NKAIN3: variants seen among roughly 807,000 people sequenced by gnomAD.
NKAIN3 encodes the protein sodium/potassium transporting ATPase interacting 3.
NKAIN3 carries 25 observed loss-of-function variants against 30.2 expected under a neutral mutation model. The ratio of observed to expected loss-of-function variants is 0.83; its 90% CI spans 0.60 to 1.16. The LOEUF (loss-of-function observed/expected upper bound fraction) is 1.16, where lower values mean the gene tolerates loss of function less well. Ranked by LOEUF, NKAIN3 falls within the 50% of genes most tolerant of loss-of-function variation. The pLI is 0.00. For synonymous variants in NKAIN3, 91 were observed against 89.6 expected (o/e 1.02, Z -0.09); for missense variants, 225 against 254.1 (o/e 0.89, Z 0.78).
intron 3 of NKAIN3, among the ~76,000 whole-genome samples, chr8:62,695,245 T>C (rs1814114599): frequency 6.6e-6 from 1 of 152,202 alleles, no homozygotes; most frequent in Non-Finnish European, 1.5e-5. Context: ...AAGGGCCAAG[T>C]CTTATTTACT....
chr8:62,815,152 C>A (rs1234660215), intron 4 of NKAIN3, among the ~76,000 whole-genome samples: 2 of 152,040 alleles, frequency 1.3e-5, no homozygotes, highest in African/African-American at 4.8e-5. Context: ...CACATACACC[C>A]TCCCAAGACT....
intron 1 of NKAIN3, among the ~76,000 whole-genome samples, chr8:62,354,966 A>G (rs1293908242): frequency 2.0e-5 from 3 of 152,086 alleles, no homozygotes; most frequent in Admixed American, 6.6e-5. Flanking sequence ...TCTTTATTAC[A>G]CTAGAGAGTA....
intron 5 of NKAIN3, among the ~76,000 whole-genome samples, chr8:62,949,796 G>A (rs1157148401): frequency 6.6e-6 from 1 of 151,636 alleles, no homozygotes; most frequent in Non-Finnish European, 1.5e-5. Context: ...CAATTTCACT[G>A]TACTGCAGGC....
At chr8:62,787,704 G>A (rs1039848646) in intron 4 of NKAIN3, among the ~76,000 whole-genome samples, 4 of 151,736 alleles carry the variant, frequency 2.6e-5, no homozygotes, top group South Asian at 2.1e-4. Context: ...AACAGTCCCC[G>A]GTGTGTGATG....
At chr8:62,366,069 A>G (rs1816727434) in intron 1 of NKAIN3, among the ~76,000 whole-genome samples, 1 of 151,922 alleles carries the variant, frequency 6.6e-6, no homozygotes, top group East Asian at 1.9e-4. Flanking sequence ...TACTTATTCA[A>G]TCTCCTTACT....
At chr8:62,555,063 GC>G (rs1182069285) in intron 1 of NKAIN3, among the ~76,000 whole-genome samples, 1 of 135,886 alleles carries the variant, frequency 7.4e-6, no homozygotes, top group African/African-American at 2.8e-5. Flanking sequence ...CACATGCCTA[GC>G]TATGTGAGAA....
chr8:62,930,798 G>T (rs1822595061), intron 5 of NKAIN3, among the ~76,000 whole-genome samples: 1 of 151,628 alleles, frequency 6.6e-6, no homozygotes, highest in Non-Finnish European at 1.5e-5. Flanking sequence ...CTGCCTCCCG[G>T]GTTCATGCCA....
chr8:62,713,089 G>T (rs567706170), intron 3 of NKAIN3, among the ~76,000 whole-genome samples: 1 of 152,266 alleles, frequency 6.6e-6, no homozygotes, highest in Admixed American at 6.5e-5. Flanking sequence ...TGTCTCCTGG[G>T]TCATGCAGGA....
rs554116949 is a variant in NKAIN3 at position 62,284,290 on chromosome 8, GTCT to G, written c.54+35169_54+35171del. Among the ~76,000 whole-genome samples the G allele has an allele frequency of 1.9e-3, 296 of 152,180 alleles. 2 individuals are homozygous for G. The highest frequency in any genetic ancestry group is 8.5e-3 in the Admixed American group (130 of 15,252). On this transcript the variant is annotated intron_variant, in intron 1 of 6. Coordinates refer to ENST00000623646, the MANE Select transcript of NKAIN3 (RefSeq NM_001304533.3). ...TACGGGGAGACAGTGGTGGCTTTCT[GTCT>G]TCTTCCACTTTTTTTGGTGCTGTCC...
At chr8:62,684,954 G>A (rs1813751526) in intron 3 of NKAIN3, among the ~76,000 whole-genome samples, 1 of 152,156 alleles carries the variant, frequency 6.6e-6, no homozygotes, top group Non-Finnish European at 1.5e-5. Flanking sequence ...GAGAAGATAA[G>A]TTTCTGTTGT....
chr8:62,844,881 C>A (rs1369032849), intron 4 of NKAIN3, among the ~76,000 whole-genome samples: 1 of 152,022 alleles, frequency 6.6e-6, no homozygotes, highest in South Asian at 2.1e-4. Context: ...ACCACAGCAT[C>A]ACCAACACGA....
At chr8:62,380,335 T>C (rs1445519781) in intron 1 of NKAIN3, among the ~76,000 whole-genome samples, 3 of 152,202 alleles carry the variant, frequency 2.0e-5, no homozygotes, top group Non-Finnish European at 4.4e-5. Flanking sequence ...TTGCTATAAG[T>C]CTAGTTGTCT....
intron 3 of NKAIN3, among the ~76,000 whole-genome samples, chr8:62,742,615 C>T (rs993932694): frequency 6.6e-6 from 1 of 152,150 alleles, no homozygotes; most frequent in Admixed American, 6.6e-5. Flanking sequence ...AGCAAAGACA[C>T]CAGTTGTATC....
intron 1 of NKAIN3, among the ~76,000 whole-genome samples, chr8:62,365,775 A>T (rs1563366526): frequency 6.6e-6 from 1 of 151,760 alleles, no homozygotes; most frequent in African/African-American, 2.4e-5. Flanking sequence ...TCACTATAAA[A>T]TTTTTTTTTT....
intron 3 of NKAIN3, 81 bp downstream of exon 3, chr8:62,589,875 TTGTGTGTGTGTGTGTGTGTGTGTG>T (rs35791396): frequency 9.3e-6 from 4 of 429,966 alleles, no homozygotes; most frequent in Non-Finnish European, 1.7e-5. Context: ...TATAGGTATA[TTGTGTGTGTGTGTGTGTGTGTGTG>T]TGTGTGTGTG....
At chr8:62,904,767 C>T (rs191366688) in intron 4 of NKAIN3, among the ~76,000 whole-genome samples, 72 of 152,300 alleles carry the variant, frequency 4.7e-4, no homozygotes, top group African/African-American at 1.6e-3. Context: ...GCAGGCAGTG[C>T]TAAGTGTTAG....
At chr8:62,351,467 G>A (rs1026322822) in intron 1 of NKAIN3, among the ~76,000 whole-genome samples, 2 of 149,598 alleles carry the variant, frequency 1.3e-5, no homozygotes, top group African/African-American at 4.9e-5. Context: ...GGAACCTGTA[G>A]ATACGGAGGC....
At chr8:62,741,873 C>A (rs1586151208) in intron 3 of NKAIN3, among the ~76,000 whole-genome samples, 1 of 152,106 alleles carries the variant, frequency 6.6e-6, no homozygotes, top group South Asian at 2.1e-4. Context: ...TCCCTACAAC[C>A]TTAACATGCT....
intron 5 of NKAIN3, chr8:62,999,128 A>G (rs1465819063): frequency 6.6e-6 from 1 of 152,036 alleles, no homozygotes; most frequent in East Asian, 1.9e-4. Context: ...CCCTTATCAG[A>G]TGTATGGTGT....
Sources: allele counts gnomAD v4.1 joint callset (sites outside exome capture counted in the v4.1 genomes callset), GRCh38; gene constraint gnomAD v4.1.1; transcripts MANE v1.5; gene names NCBI Gene and HGNC (gene_info 2026-07-23, HGNC 2026-07-21).